The following RAB15 variants were observed in gnomAD, a reference collection of about 807,000 sequenced individuals.
RAB15 encodes RAB15, member RAS oncogene family.
In RAB15, 13 loss-of-function variants were observed where a neutral mutation model predicts 31.8. The observed-to-expected ratio is 0.41, with a 90% CI of 0.27 to 0.65. RAB15 has a LOEUF of 0.65. Among genes scored for constraint, RAB15 ranks in the 30% least tolerant of loss-of-function variants. The pLI is 0.32. For synonymous variants in RAB15, 100 were observed against 105.6 expected, an observed-to-expected ratio of 0.95 and a Z score of 0.33; for missense variants, 220 against 277.3, an observed-to-expected ratio of 0.79 and a Z score of 1.47.
intron 1 of RAB15, among the ~76,000 whole-genome samples, chr14:64,956,959 G>T (rs1886610648): frequency 6.7e-6 from 1 of 148,444 alleles, no homozygotes; most frequent in East Asian, 2.0e-4. Context: ...TTGGGATGGA[G>T]TCTCACTCTG....
Position 64,958,697 on chromosome 14 carries a change from T to G in RAB15, c.125-6126A>C, listed in dbSNP as rs1886703302. On this transcript the variant is annotated intron_variant, in intron 1 of 6. Transcript: ENST00000533601. The surrounding 1 kb of genome is among the most constrained non-coding windows in gnomAD (Gnocchi z 4.4). ...TACAGAAAGAAATAGGGCACAGAAG[T>G]GTTAAGAAACAAGCAAACCACTTCT... Among the ~76,000 whole-genome samples the G allele has an allele frequency of 6.6e-6, 1 of 151,934 alleles. No individual in the cohort carries two copies. The highest frequency in any genetic ancestry group is 2.4e-5 in the African/African-American group (1 of 41,352).
chr14:64,957,658 A>G (rs538168384), intron 1 of RAB15, among the ~76,000 whole-genome samples: 1 of 152,188 alleles, frequency 6.6e-6, no homozygotes, highest in South Asian at 2.1e-4. Flanking sequence ...AGGAGTAGGT[A>G]TTATTGTGAG....
At chr14:64,967,873 G>A (rs1008991984) in intron 1 of RAB15, among the ~76,000 whole-genome samples, 5 of 152,184 alleles carry the variant, frequency 3.3e-5, no homozygotes, top group Admixed American at 1.3e-4. Flanking sequence ...ACCACTGGGG[G>A]TGAGGGGCCA....
rs72728209 is a variant in RAB15, at chr14:64,955,297, G to A, written c.125-2726C>T. Among the ~76,000 whole-genome samples, 15,572 of 152,140 alleles carry A rather than the reference G, an allele frequency of 0.1. 900 individuals are homozygous for A. The highest frequency in any genetic ancestry group is 0.12 in the Non-Finnish European group (8,420 of 67,998). On this transcript the variant is annotated intron_variant, in intron 1 of 6. Transcript: ENST00000533601. This position sits in a 1 kb window ranked among gnomAD's most constrained non-coding sequence, Gnocchi z 4.4. ...AGGTTAACAGCCCAAGGATCTTCAA[G>A]AGGAATCTATTGCTTCTGCGCTCTG...
chr14:64,966,501 C>T (rs917689374), intron 1 of RAB15, among the ~76,000 whole-genome samples: 4 of 149,240 alleles, frequency 2.7e-5, no homozygotes, highest in African/African-American at 1.0e-4. Flanking sequence ...CCAGCCTGGG[C>T]GACAGAGAGA....
intron 1 of RAB15, among the ~76,000 whole-genome samples, chr14:64,963,424 G>A (rs1422966208): frequency 2.6e-5 from 4 of 151,916 alleles, no homozygotes; most frequent in Admixed American, 6.6e-5. Flanking sequence ...ACCCCATCTC[G>A]CTCCCCATTG....
chr14:64,950,074 G>C lies in RAB15; in HGVS notation c.414+251C>G, dbSNP rs1886162209. 6.6e-6 allele frequency among the ~76,000 whole-genome samples: 1 copy of C among 152,162 alleles called. No homozygotes were observed. The highest frequency in any genetic ancestry group is 2.4e-5 in the African/African-American group (1 of 41,428). ...AAGCAGAGGGCAATCCTGCATTTGG[G>C]GACCTGGACTTGGGAGAGTTGCTGC... On this transcript the variant is annotated intron_variant, in intron 5 of 6. Coordinates refer to ENST00000533601, the MANE Select transcript of RAB15 (RefSeq NM_001308154.2). This position sits in a 1 kb window ranked among gnomAD's most constrained non-coding sequence, Gnocchi z 5.6.
intron 1 of RAB15, among the ~76,000 whole-genome samples, chr14:64,965,886 G>A (rs1163743852): frequency 1.3e-5 from 2 of 152,090 alleles, no homozygotes; most frequent in Non-Finnish European, 2.9e-5. Flanking sequence ...AACCCTCCGC[G>A]GGCTTCAGAT....
chr14:64,951,164 G>A lies in RAB15; in HGVS notation c.247-13C>T, dbSNP rs1261165707. ...CCAAAAATATCCCCTGAGAGAGAGA[G>A]AAATAGAGAGATGTGATATGCACAG... On this transcript the variant is annotated splice_polypyrimidine_tract_variant and intron_variant, in intron 3 of 6. Transcript: ENST00000533601. The surrounding 1 kb of genome is among the most constrained non-coding windows in gnomAD (Gnocchi z 7.2). 4 of 1,598,960 alleles carry A rather than the reference G, an allele frequency of 2.5e-6. No individual in the cohort carries two copies. The highest frequency in any genetic ancestry group is 4.5e-5 in the East Asian group (2 of 44,804).
In RAB15 at chr14:64,961,486, T is replaced by C. The variant is rs534450775; in HGVS notation, c.125-8915A>G. 1.2e-4 allele frequency among the ~76,000 whole-genome samples: 18 copies of C among 152,340 alleles called. No homozygotes were observed. The South Asian group carries it at 3.5e-3, about 30-fold the overall frequency. ...CAGGGTCAGAGCTGGTATCAGATGA[T>C]GCCCATCAGCTCAGCCAGGTTGCTG... On this transcript the variant is annotated intron_variant, in intron 1 of 6. Transcript: ENST00000533601.
Position 64,951,004 on chromosome 14 carries a change from C to G in RAB15, c.324+70G>C. The G allele has an allele frequency of 3.1e-6, 5 of 1,614,080 alleles. No individual in the cohort carries two copies. The highest frequency in any genetic ancestry group is 4.2e-6 in the Non-Finnish European group (5 of 1,180,020). On this transcript the variant is annotated intron_variant, in intron 4 of 6. Coordinates refer to ENST00000533601, the MANE Select transcript of RAB15 (RefSeq NM_001308154.2). The surrounding 1 kb of genome is among the most constrained non-coding windows in gnomAD (Gnocchi z 7.2). Reference sequence around the variant, plus strand: ...TTCCTGGAAGCATTTGCCTTCCCATCTGGCCCTCGCCTTGCCTTCCCCGGT... The same window carrying G: ...TTCCTGGAAGCATTTGCCTTCCCATGTGGCCCTCGCCTTGCCTTCCCCGGT...
In RAB15 at chr14:64,948,699, G is replaced by A. The variant is rs752321397; in HGVS notation, c.449C>T (p.Thr150Ile). Residue 150 changes from threonine to isoleucine, a missense_variant, in exon 6 of 7, where the codon ACA (threonine) becomes ATA (isoleucine). By Grantham distance (89) the Thr-to-Ile change is moderately conservative. Coordinates refer to ENST00000533601, the MANE Select transcript of RAB15 (RefSeq NM_001308154.2). This position sits in a 1 kb window ranked among gnomAD's most constrained non-coding sequence, Gnocchi z 7.0. The part of the protein sequence containing the change: ...AKEYGMDFYE[T>I]SACTNLNIKE... Reference sequence around the variant, plus strand: ...AATGTTGAGGTTGGTGCAGGCACTTGTTTCATAGAAGTCCATGCCATACTC... The same window carrying A: ...AATGTTGAGGTTGGTGCAGGCACTTATTTCATAGAAGTCCATGCCATACTC... The A allele has an allele frequency of 3.1e-6, 5 of 1,614,016 alleles. No homozygotes were observed. The Admixed American group carries it at 6.7e-5, about 22-fold the overall frequency.
rs762643019 is a variant in RAB15 at position 64,948,537 on chromosome 14, G to C, written c.481-25C>G. ...ACTGGAAACCAAAGGGCACAGGTTA[G>C]TCCAGTGTCTCCTCCTCTCCCCTGG... On this transcript the variant is annotated intron_variant, in intron 6 of 6. Transcript: ENST00000533601. The surrounding 1 kb of genome is among the most constrained non-coding windows in gnomAD (Gnocchi z 7.0). 4.4e-6 allele frequency: 7 copies of C among 1,601,618 alleles called. No individual in the cohort carries two copies. Among genetic ancestry groups the C allele is most frequent in the Non-Finnish European group, 6.0e-6 (7 of 1,173,378 alleles).
chr14:64,965,944 G>A lies in RAB15; in HGVS notation c.124+6009C>T, dbSNP rs1205952306. ...CCTTGGGGAAGGGGTGGGAGGCCGA[G>A]TCTGTGCCTGTGTCAGGAGGAGAAA... On this transcript the variant is annotated intron_variant, in intron 1 of 6. Transcript: ENST00000533601. Among the ~76,000 whole-genome samples the A allele has an allele frequency of 2.6e-5, 4 of 152,152 alleles. No individual in the cohort carries two copies. The South Asian group carries it at 8.3e-4, about 31-fold the overall frequency.
chr14:64,959,727 C>A (rs964552101), intron 1 of RAB15, among the ~76,000 whole-genome samples: 3 of 151,348 alleles, frequency 2.0e-5, no homozygotes, highest in African/African-American at 7.3e-5. Context: ...AACAAAAAAA[C>A]CCAGGTGTGA....
At chr14:64,963,208 TC>T (rs1232816752) in intron 1 of RAB15, among the ~76,000 whole-genome samples, 1 of 140,086 alleles carries the variant, frequency 7.1e-6, no homozygotes, top group Non-Finnish European at 1.5e-5. Flanking sequence ...AACCTCCACC[TC>T]CTGTGTTAAA....
In RAB15 at chr14:64,953,764, G is replaced by A. The variant is rs1030642252; in HGVS notation, c.125-1193C>T. ...CTATGCCCAGGGATTCAAGAGCTAC[G>A]TCTGGTGGGTTAATTAAGCTTACGT... On this transcript the variant is annotated intron_variant, in intron 1 of 6. Transcript: ENST00000533601. This position sits in a 1 kb window ranked among gnomAD's most constrained non-coding sequence, Gnocchi z 4.6. The A allele has an allele frequency of 5.5e-5, 54 of 983,860 alleles. No individual in the cohort carries two copies. In the African/African-American group the frequency reaches 5.8e-4, roughly 11 times the overall value. 60.9% of individuals were successfully genotyped at this position (983,860 alleles called of 1,614,324 possible). A position where few individuals can be genotyped will look rare whatever the true frequency, so the allele number is the denominator to read the frequency against.
chr14:64,969,747 C>T (rs1242798667), intron 1 of RAB15, among the ~76,000 whole-genome samples: 2 of 152,218 alleles, frequency 1.3e-5, no homozygotes, highest in African/African-American at 2.4e-5. Context: ...CACTGATTCA[C>T]CTATGTGCCC....
At position 64,954,394 on chromosome 14, in the gene RAB15, A is replaced by C; in HGVS notation, c.125-1823T>G. ...AGACATTCTTGTTTCATGATACAGCACCTTCTTCCAAGAAGAACGAGAAAT... is the reference window on the plus strand; with the variant it reads ...AGACATTCTTGTTTCATGATACAGCCCCTTCTTCCAAGAAGAACGAGAAAT... On this transcript the variant is annotated intron_variant, in intron 1 of 6. Coordinates refer to ENST00000533601, the MANE Select transcript of RAB15 (RefSeq NM_001308154.2). This position sits in a 1 kb window ranked among gnomAD's most constrained non-coding sequence, Gnocchi z 4.3. The C allele has an allele frequency of 2.0e-6, 2 of 985,334 alleles. No individual in the cohort carries two copies. Among genetic ancestry groups the C allele is most frequent in the Non-Finnish European group, 2.4e-6 (2 of 829,838 alleles). The allele number at this position is 985,334 out of a possible 1,614,324, so 61.0% of individuals were successfully genotyped here. A position where few individuals can be genotyped will look rare whatever the true frequency, so the allele number is the denominator to read the frequency against.
Sources: allele counts gnomAD v4.1 joint callset (sites outside exome capture counted in the v4.1 genomes callset), GRCh38; gene constraint gnomAD v4.1.1; non-coding constraint Gnocchi (gnomAD v3.1); transcripts MANE v1.5; gene names NCBI Gene and HGNC (gene_info 2026-07-23, HGNC 2026-07-21).